HMGA2: variants seen among roughly 807,000 people sequenced by gnomAD.
The protein encoded by HMGA2 is high mobility group AT-hook 2, also known as high mobility group protein HMGI-C.
Under a neutral mutation model 19.1 loss-of-function variants are expected in HMGA2, and 8 were observed. The observed-to-expected ratio is 0.42, with a 90% CI of 0.25 to 0.76. The LOEUF is 0.76. Among genes scored for constraint, HMGA2 ranks in the 30% least tolerant of loss-of-function variants. HMGA2 has a pLI of 0.28. For synonymous variants in HMGA2, 60 were observed against 48.8 expected, an observed-to-expected ratio of 1.23 and a Z score of -0.96; for missense variants, 109 against 136.3, an observed-to-expected ratio of 0.80 and a Z score of 1.00.
chr12:65,938,935 T>C lies in HMGA2; in HGVS notation c.250-12448T>C, dbSNP rs965007373. Among the ~76,000 whole-genome samples, 6 of 152,118 alleles carry C rather than the reference T, an allele frequency of 3.9e-5. No homozygotes were observed. In the East Asian group the frequency reaches 7.7e-4, roughly 20 times the overall value. On this transcript the variant is annotated intron_variant, in intron 3 of 4. Coordinates refer to ENST00000403681, the MANE Select transcript of HMGA2 (RefSeq NM_003483.6). ...CACCTCATCCTCCCAAGCAAGTCAC[T>C]GGGCCCCCCAAATCTAAGAGTCATG...
intron 3 of HMGA2, among the ~76,000 whole-genome samples, chr12:65,840,177 G>C (rs1020089461): frequency 4.6e-5 from 7 of 152,154 alleles, no homozygotes; most frequent in African/African-American, 1.4e-4. Context: ...CACCTTCCTT[G>C]TTGTACATAT....
chr12:65,933,904 C>A (rs1401437209), intron 3 of HMGA2, among the ~76,000 whole-genome samples: 9 of 152,108 alleles, frequency 5.9e-5, no homozygotes, highest in Admixed American at 5.9e-4. Context: ...CCAACGTAGA[C>A]CAATTTTATC....
chr12:65,921,051 A>G (rs1347005868), intron 3 of HMGA2, among the ~76,000 whole-genome samples: 1 of 152,186 alleles, frequency 6.6e-6, no homozygotes, highest in East Asian at 1.9e-4. Flanking sequence ...GTGTTCTCAG[A>G]TGGAGATGAG....
intron 3 of HMGA2, among the ~76,000 whole-genome samples, chr12:65,861,793 T>G (rs1052822960): frequency 6.6e-6 from 1 of 151,910 alleles, no homozygotes; most frequent in African/African-American, 2.4e-5. Context: ...GCTTTAACAT[T>G]TAATATAACA....
chr12:65,936,092 T>G (rs1201640318), intron 3 of HMGA2, among the ~76,000 whole-genome samples: 1 of 152,234 alleles, frequency 6.6e-6, no homozygotes, highest in Non-Finnish European at 1.5e-5. Context: ...GTGGGTCAGA[T>G]GTAGTTTGCA....
At chr12:65,863,105 C>T (rs146424408) in intron 3 of HMGA2, among the ~76,000 whole-genome samples, 40 of 152,320 alleles carry the variant, frequency 2.6e-4, no homozygotes, top group East Asian at 2.3e-3. Context: ...TAAATCCTGA[C>T]GACACTATCA....
intron 3 of HMGA2, among the ~76,000 whole-genome samples, chr12:65,872,607 G>A (rs1428627835): frequency 6.6e-6 from 1 of 152,106 alleles, no homozygotes; most frequent in Non-Finnish European, 1.5e-5. Context: ...AAAGGTGCCT[G>A]GAGCTATATG....
chr12:65,881,623 C>T (rs1264181585), intron 3 of HMGA2: 8 of 619,444 alleles, frequency 1.3e-5, no homozygotes, highest in Admixed American at 2.3e-5. Flanking sequence ...CCAGAGGGAG[C>T]GAAGGAGGGA....
intron 3 of HMGA2, chr12:65,877,013 T>G (rs1873076159): frequency 6.6e-6 from 1 of 152,184 alleles, no homozygotes; most frequent in Non-Finnish European, 1.5e-5. Context: ...GCTGGGTGCT[T>G]TCTTTGCAGC....
At chr12:65,948,715 C>G (rs1465871986) in intron 3 of HMGA2, among the ~76,000 whole-genome samples, 2 of 152,162 alleles carry the variant, frequency 1.3e-5, no homozygotes, top group African/African-American at 4.8e-5. Context: ...AGTGCTGTGT[C>G]TGAGGGTAGC....
intron 2 of HMGA2, 126 bp from the exon 3 acceptor site, chr12:65,838,389 AAAAC>A: frequency 5.7e-6 from 4 of 697,562 alleles, no homozygotes; most frequent in Non-Finnish European, 7.2e-6. Context: ...TTTGTTAAAA[AAAAC>A]AAAAAAAAAA....
At position 65,847,493 on chromosome 12, in the gene HMGA2, T is replaced by A. The variant is rs1173755692; in HGVS notation, c.249+8924T>A. On this transcript the variant is annotated intron_variant, in intron 3 of 4. Transcript: ENST00000403681. Reference sequence around the variant, plus strand: ...TAGTGCAGCCCTTTGTGTTTTAAAATGAGCTCTTTGAGGGTTGGGTGCATA... The same window carrying A: ...TAGTGCAGCCCTTTGTGTTTTAAAAAGAGCTCTTTGAGGGTTGGGTGCATA... Among the ~76,000 whole-genome samples, 7 of 152,330 alleles carry A rather than the reference T, an allele frequency of 4.6e-5. No homozygotes were observed. In the East Asian group the frequency reaches 1.3e-3, roughly 29 times the overall value.
intron 3 of HMGA2, among the ~76,000 whole-genome samples, chr12:65,910,524 C>A (rs890788582): frequency 6.6e-6 from 1 of 152,124 alleles, no homozygotes; most frequent in African/African-American, 2.4e-5. Flanking sequence ...TGTTCTGTAT[C>A]TTTAGCCATG....
At chr12:65,951,088 C>T (rs528776296) in intron 3 of HMGA2, among the ~76,000 whole-genome samples, 4 of 152,150 alleles carry the variant, frequency 2.6e-5, no homozygotes, top group African/African-American at 9.6e-5. Flanking sequence ...CGCCACCACA[C>T]CCTGTTAATT....
chr12:65,895,123 G>T (rs1166539621), intron 3 of HMGA2, among the ~76,000 whole-genome samples: 1 of 152,086 alleles, frequency 6.6e-6, no homozygotes, highest in East Asian at 1.9e-4. Context: ...GCTCTCCAAA[G>T]ATGCAAGTAA....
At chr12:65,922,260 G>A (rs1229798964) in intron 3 of HMGA2, among the ~76,000 whole-genome samples, 1 of 152,160 alleles carries the variant, frequency 6.6e-6, no homozygotes, top group Non-Finnish European at 1.5e-5. Flanking sequence ...CTCAACACCA[G>A]CCCATGAAAG....
intron 3 of HMGA2, among the ~76,000 whole-genome samples, chr12:65,932,717 T>C (rs937618549): frequency 1.3e-5 from 2 of 152,184 alleles, no homozygotes; most frequent in African/African-American, 4.8e-5. Flanking sequence ...ACTACAGATA[T>C]GAGAGTGCTT....
intron 3 of HMGA2, among the ~76,000 whole-genome samples, chr12:65,936,414 A>G (rs934582842): frequency 3.3e-5 from 5 of 152,184 alleles, no homozygotes; most frequent in African/African-American, 1.2e-4. Context: ...AACAAAGCAC[A>G]TAAAAAATCC....
chr12:65,933,572 A>C (rs1340490944), intron 3 of HMGA2, among the ~76,000 whole-genome samples: 1 of 152,226 alleles, frequency 6.6e-6, no homozygotes, highest in African/African-American at 2.4e-5. Flanking sequence ...GAGGTAATTA[A>C]TGCTAAAGGA....
Sources: gnomAD v4.1 joint callset for allele counts (sites outside exome capture counted in the v4.1 genomes callset) on GRCh38, gnomAD v4.1.1 for gene constraint, MANE v1.5 for transcripts, NCBI Gene and HGNC (gene_info 2026-07-23, HGNC 2026-07-21) for gene names.